Variants in PRORP observed in about 807,000 individuals in gnomAD.
PRORP encodes mitochondrial ribonuclease P catalytic subunit.
PRORP carries 51 observed loss-of-function variants against 59.4 expected under a neutral mutation model. The observed-to-expected ratio is 0.86, with a 90% CI of 0.69 to 1.08. The LOEUF (loss-of-function observed/expected upper bound fraction) is 1.08. Ranked by LOEUF, PRORP falls within the 50% of genes least tolerant of loss-of-function variation. PRORP has a pLI of 0.00. For synonymous variants in PRORP, 231 were observed against 245.6 expected, an observed-to-expected ratio of 0.94 and a Z score of 0.55; for missense variants, 646 against 690.3, an observed-to-expected ratio of 0.94 and a Z score of 0.72.
rs372413980 is a variant in PRORP at position 35,129,307 on chromosome 14, G to T, written c.1167+1696G>T. Reference sequence around the variant, plus strand: ...CTTTTGTTATATCCCACCGTGCCTAGATACATTTAATGTTATTATTGATAA... The same window carrying T: ...CTTTTGTTATATCCCACCGTGCCTATATACATTTAATGTTATTATTGATAA... On this transcript the variant is annotated intron_variant, in intron 4 of 7. Transcript: ENST00000534898. 1.3e-5 allele frequency among the ~76,000 whole-genome samples: 2 copies of T among 152,038 alleles called. 1 individual carries two copies. The highest frequency in any genetic ancestry group is 3.8e-4 in the East Asian group (2 of 5,196).
chr14:35,153,406 G>GGA (rs71435861), intron 4 of PRORP, among the ~76,000 whole-genome samples: 1 of 151,190 alleles, frequency 6.6e-6, no homozygotes. Flanking sequence ...GAGACCGTGG[G>GGA]GAGAGAGGGA....
chr14:35,256,271 G>A (rs1291184088), intron 5 of PRORP, among the ~76,000 whole-genome samples: 4 of 134,296 alleles, frequency 3.0e-5, no homozygotes, highest in East Asian at 2.4e-4. Flanking sequence ...GTGACAGAGC[G>A]AGACTCTGTC....
chr14:35,265,338 C>T (rs2051013669), intron 5 of PRORP, among the ~76,000 whole-genome samples: 1 of 152,166 alleles, frequency 6.6e-6, no homozygotes, highest in African/African-American at 2.4e-5. Flanking sequence ...TTATATAATA[C>T]AAGTTATAAT....
At chr14:35,186,547 C>A (rs1045838594) in intron 5 of PRORP, among the ~76,000 whole-genome samples, 8 of 151,714 alleles carry the variant, frequency 5.3e-5, no homozygotes, top group Non-Finnish European at 8.8e-5. Flanking sequence ...CCCATTGGTC[C>A]CTGGCAACCA....
intron 5 of PRORP, among the ~76,000 whole-genome samples, chr14:35,251,085 G>GCTTA (rs1192973885): frequency 6.6e-6 from 1 of 152,150 alleles, no homozygotes; most frequent in Non-Finnish European, 1.5e-5. Context: ...CATGGTCATA[G>GCTTA]CTTAGCTCCC....
chr14:35,232,817 T>C (rs540007915), intron 5 of PRORP, among the ~76,000 whole-genome samples: 2 of 152,070 alleles, frequency 1.3e-5, no homozygotes, highest in African/African-American at 2.4e-5. Context: ...GGACTACAGA[T>C]GCATGCCACC....
At chr14:35,253,501 A>C (rs1197562094) in intron 5 of PRORP, among the ~76,000 whole-genome samples, 1 of 152,174 alleles carries the variant, frequency 6.6e-6, no homozygotes, top group Non-Finnish European at 1.5e-5. Context: ...TGAAGAGGCC[A>C]CAACACTCAG....
rs1286055381 is a variant in PRORP at position 35,275,666 on chromosome 14, G to T, written c.*2100G>T. 6.6e-6 allele frequency: 1 copy of T among 152,096 alleles called. No individual in the cohort carries two copies. The highest frequency in any genetic ancestry group is 1.5e-5 in the Non-Finnish European group (1 of 68,022). 9.4% of individuals were successfully genotyped at this position (152,096 alleles called of 1,614,324 possible). ...CAAATTCCCAAAAAAGGAGCACATA[G>T]AGATAGAGGAGGAGGCCGAAGTGGT... On this transcript the variant is annotated 3_prime_UTR_variant, in exon 8 of 8. Coordinates refer to ENST00000534898, the MANE Select transcript of PRORP (RefSeq NM_014672.4).
At chr14:35,248,888 A>T (rs1174499327) in intron 5 of PRORP, among the ~76,000 whole-genome samples, 2 of 152,248 alleles carry the variant, frequency 1.3e-5, no homozygotes, top group African/African-American at 4.8e-5. Context: ...TAATAGCATC[A>T]TAAAAACAAG....
Position 35,126,748 on chromosome 14 carries a change from C to A in PRORP, c.1000C>A (p.Gln334Lys). The A allele has an allele frequency of 6.2e-7, 1 of 1,609,964 alleles. No homozygotes were observed. The change falls in exon 3 of 8, where the codon CAA becomes AAA. Residue 334 changes from glutamine to lysine, a missense_variant. Coordinates refer to ENST00000534898, the MANE Select transcript of PRORP (RefSeq NM_014672.4). ...ATCTTTTCATAGTGTTCCTGGAAAA[C>A]AATGGAAAGGACAATTCACCACAGT... ...KTWFESVPGK[Q>K]WKGQFTTVRK...
chr14:35,207,478 G>A (rs2139154633), intron 5 of PRORP, among the ~76,000 whole-genome samples: 1 of 152,314 alleles, frequency 6.6e-6, no homozygotes, highest in South Asian at 2.1e-4. Flanking sequence ...GAGGGTGTCT[G>A]TAACAGGTCT....
intron 5 of PRORP, among the ~76,000 whole-genome samples, chr14:35,243,780 G>A (rs1473363330): frequency 6.6e-6 from 1 of 152,024 alleles, no homozygotes; most frequent in Non-Finnish European, 1.5e-5. Context: ...AGGAGTGGGT[G>A]GTAATAATGG....
At chr14:35,159,502 T>C (rs2048006691) in intron 4 of PRORP, among the ~76,000 whole-genome samples, 1 of 152,214 alleles carries the variant, frequency 6.6e-6, no homozygotes, top group Non-Finnish European at 1.5e-5. Flanking sequence ...TACTATGTGT[T>C]CTTTTTTTAG....
At chr14:35,175,684 G>T (rs1338497471) in intron 4 of PRORP, among the ~76,000 whole-genome samples, 1 of 151,708 alleles carries the variant, frequency 6.6e-6, no homozygotes, top group Non-Finnish European at 1.5e-5. Context: ...CTCCCATTCT[G>T]TAGGTTGCCT....
chr14:35,123,094 G>C lies in PRORP; in HGVS notation c.-152G>C. The stretch of plus-strand genomic sequence containing the variant: ...TTGCTTTTAAGTAGCCCCAAAAGCA[G>C]AACCTTGATTTGTCTGTAAGGAAGA... On this transcript the variant is annotated 5_prime_UTR_variant, in exon 2 of 8. Coordinates refer to ENST00000534898, the MANE Select transcript of PRORP (RefSeq NM_014672.4). The C allele has an allele frequency of 2.5e-6, 2 of 790,432 alleles. No homozygotes were observed. The highest frequency in any genetic ancestry group is 3.7e-5 in the South Asian group (2 of 53,658). 49.0% of individuals were successfully genotyped at this position (790,432 alleles called of 1,614,324 possible).
chr14:35,257,629 G>A (rs1188289771), intron 5 of PRORP, among the ~76,000 whole-genome samples: 1 of 152,154 alleles, frequency 6.6e-6, no homozygotes, highest in Non-Finnish European at 1.5e-5. Context: ...TTCCAAAACA[G>A]TTTTTAAGTT....
At chr14:35,262,937 G>T in intron 5 of PRORP, 3 of 1,594,606 alleles carry the variant, frequency 1.9e-6, no homozygotes, top group Non-Finnish European at 2.6e-6. Context: ...TAGAGGCTTT[G>T]ATTCAGCAAG....
At chr14:35,228,514 G>A (rs1414776943) in intron 5 of PRORP, among the ~76,000 whole-genome samples, 1 of 152,154 alleles carries the variant, frequency 6.6e-6, no homozygotes, top group Non-Finnish European at 1.5e-5. Context: ...ATATCCATGA[G>A]TACCCAATGT....
At chr14:35,232,853 T>C (rs2138503461) in intron 5 of PRORP, among the ~76,000 whole-genome samples, 1 of 152,228 alleles carries the variant, frequency 6.6e-6, no homozygotes, top group East Asian at 1.9e-4. Context: ...TTTTGTATTT[T>C]TAGTAGAGGC....
Sources: gnomAD v4.1 joint callset for allele counts (sites outside exome capture counted in the v4.1 genomes callset) on GRCh38, gnomAD v4.1.1 for gene constraint, MANE v1.5 for transcripts, NCBI Gene and HGNC (gene_info 2026-07-23, HGNC 2026-07-21) for gene names.